The following RNF41 variants were observed in gnomAD, a reference collection of about 807,000 sequenced individuals.
The protein encoded by RNF41 is ring finger protein 41, also known as E3 ubiquitin-protein ligase NRDP1.
A neutral mutation model predicts 33.0 loss-of-function variants in RNF41; 4 were observed. That is an observed-to-expected ratio of 0.12 (90% CI 0.06 to 0.28). The LOEUF is 0.28. RNF41 is among the 10% of genes least tolerant of loss of function. RNF41 has a pLI of 1.00. For synonymous variants in RNF41, 164 were observed against 153.2 expected, an observed-to-expected ratio of 1.07 and a Z score of -0.52; for missense variants, 228 against 432.6, an observed-to-expected ratio of 0.53 and a Z score of 4.19.
At chr12:56,210,245 G>A in intron 4 of RNF41, 52 bp downstream of exon 4, 3 of 1,584,066 alleles carry the variant, frequency 1.9e-6, no homozygotes, top group Non-Finnish European at 2.6e-6. Context: ...AGAGACAGGG[G>A]CATAAATGAG....
intron 2 of RNF41, among the ~76,000 whole-genome samples, chr12:56,216,101 G>A (rs10876879): frequency 0.28 from 42,134 of 151,000 alleles, 7,076 homozygotes; most frequent in Middle Eastern, 0.4. Context: ...CAGCCTAGGC[G>A]ACAGAGCAAG....
intron 2 of RNF41, among the ~76,000 whole-genome samples, chr12:56,214,978 G>A (rs1328490888): frequency 2.0e-5 from 3 of 152,242 alleles, no homozygotes; most frequent in Non-Finnish European, 2.9e-5. Flanking sequence ...TGAAAGCAGA[G>A]GGTGGTTTTG....
At position 56,203,052 on chromosome 12, in the gene RNF41, C is replaced by G. The variant is rs1318731175; in HGVS notation, c.*3395G>C. The G allele has an allele frequency of 9.2e-6, 1 of 109,246 alleles. No individual in the cohort carries two copies. Among genetic ancestry groups the G allele is most frequent in the African/African-American group, 3.2e-5 (1 of 31,278 alleles). The allele number at this position is 109,246 out of a possible 1,614,324, so 6.8% of individuals were successfully genotyped here. ...TGTGCATAGAAGCGCAGACTCAGCACAGAAATGCCTTTTTTTTTTTTTTCA... is the reference window on the plus strand; with the variant it reads ...TGTGCATAGAAGCGCAGACTCAGCAGAGAAATGCCTTTTTTTTTTTTTTCA... On this transcript the variant is annotated 3_prime_UTR_variant, in exon 7 of 7. Transcript: ENST00000345093.
rs754315565 is a variant in RNF41, at chr12:56,206,453, C to G, written c.948G>C (p.Glu316Asp). 3.1e-6 allele frequency: 5 copies of G among 1,608,208 alleles called. No homozygotes were observed. Among genetic ancestry groups the G allele is most frequent in the Non-Finnish European group, 4.3e-6 (5 of 1,176,192 alleles). Residue 316 changes from glutamate (E) to aspartate (D), a missense_variant, in exon 7 of 7, where the codon GAG becomes GAC. Around this residue, in one of 2 missense-constraint regions of RNF41, gnomAD observed 199 missense variants for 334.6 expected, o/e 0.59. Coordinates refer to ENST00000345093, the MANE Select transcript of RNF41 (RefSeq NM_005785.4). The surrounding 1 kb of genome is among the most constrained non-coding windows in gnomAD (Gnocchi z 5.7). ...GATAGCCAGTCGAGTTCTCTTATATCTCTTCCACGCCATGCGCAAATATCA... is the reference window on the plus strand; with the variant it reads ...GATAGCCAGTCGAGTTCTCTTATATGTCTTCCACGCCATGCGCAAATATCA... ...LVMIFAHGVEEI is the reference protein window; with the variant it reads ...LVMIFAHGVEDI
chr12:56,208,335 G>C (rs1347275968), intron 4 of RNF41, 37 bp from the exon 5 acceptor site: 1 of 1,608,532 alleles, frequency 6.2e-7, no homozygotes, highest in Admixed American at 1.7e-5. Flanking sequence ...GAACAGAGGT[G>C]ATCCCTGGGA....
chr12:56,212,224 AAT>A (rs1410992223), intron 3 of RNF41, among the ~76,000 whole-genome samples: 1 of 152,214 alleles, frequency 6.6e-6, no homozygotes. Flanking sequence ...AACTAATAAA[AAT>A]AGTTATCTGT....
At chr12:56,214,742 T>G (rs1424770746) in intron 2 of RNF41, among the ~76,000 whole-genome samples, 6 of 134,106 alleles carry the variant, frequency 4.5e-5, no homozygotes, top group South Asian at 2.4e-4. Flanking sequence ...GGCACAAGAA[T>G]CACTTGAACC....
chr12:56,213,167 G>A (rs933614549), intron 3 of RNF41: 1 of 1,279,034 alleles, frequency 7.8e-7, no homozygotes, highest in African/African-American at 1.5e-5. Context: ...GAAAAAAATA[G>A]GTCAGTACAT....
At chr12:56,220,328 C>T (rs894369237) in intron 1 of RNF41, among the ~76,000 whole-genome samples, 4 of 151,626 alleles carry the variant, frequency 2.6e-5, no homozygotes, top group Non-Finnish European at 5.9e-5. Flanking sequence ...AATTCTCCTG[C>T]CTCAGCTTCC....
intron 2 of RNF41, among the ~76,000 whole-genome samples, chr12:56,214,492 C>G (rs1446337517): frequency 1.4e-5 from 2 of 147,444 alleles, no homozygotes; most frequent in Admixed American, 1.4e-4. Flanking sequence ...TGCACTCCAG[C>G]CTGGGGAACA....
At chr12:56,212,364 T>C (rs1210484455) in intron 3 of RNF41, among the ~76,000 whole-genome samples, 1 of 152,172 alleles carries the variant, frequency 6.6e-6, no homozygotes, top group African/African-American at 2.4e-5. Flanking sequence ...GAAATCAGCA[T>C]CCCTAGCAGG....
rs1015610577 is a variant in RNF41 at position 56,221,861 on chromosome 12, G to A, written c.-310C>T. On this transcript the variant is annotated 5_prime_UTR_variant, in exon 1 of 7. Coordinates refer to ENST00000345093, the MANE Select transcript of RNF41 (RefSeq NM_005785.4). Reference sequence around the variant, plus strand: ...GGTGCCGGGTCCCAGCCTCTCCCGGGAAGGGAAGGGAAAGGGGAAGGAGGG... The same window carrying A: ...GGTGCCGGGTCCCAGCCTCTCCCGGAAAGGGAAGGGAAAGGGGAAGGAGGG... 1 of 152,480 alleles carries A rather than the reference G, an allele frequency of 6.6e-6. No homozygotes were observed. Among genetic ancestry groups the A allele is most frequent in the Admixed American group, 6.5e-5 (1 of 15,280 alleles). The allele number at this position is 152,480 out of a possible 1,614,324, so 9.4% of individuals were successfully genotyped here.
chr12:56,211,962 A>G (rs935915742), intron 3 of RNF41, among the ~76,000 whole-genome samples: 2 of 151,366 alleles, frequency 1.3e-5, no homozygotes, highest in African/African-American at 4.9e-5. Context: ...AAAGTGTGAG[A>G]CTCCATCTCA....
chr12:56,207,239 GT>G (rs1565940383), intron 6 of RNF41: 2 of 1,327,472 alleles, frequency 1.5e-6, no homozygotes, highest in Non-Finnish European at 2.0e-6. Flanking sequence ...TACTTCGCTT[GT>G]TTTTGCTGCA....
intron 5 of RNF41, 92 bp from the exon 6 acceptor site, chr12:56,207,841 C>G (rs747221383): frequency 9.9e-7 from 1 of 1,010,166 alleles, no homozygotes; most frequent in Non-Finnish European, 1.6e-6. Context: ...ACTGAGAGAT[C>G]TGAAGAACAA....
chr12:56,210,657 G>C, intron 3 of RNF41, 89 bp from the exon 4 acceptor site: 1 of 1,346,306 alleles, frequency 7.4e-7, no homozygotes, highest in Non-Finnish European at 1.0e-6. Flanking sequence ...AGCCAATCAA[G>C]CCTTTGAGCA....
intron 4 of RNF41, among the ~76,000 whole-genome samples, chr12:56,208,866 T>TATTTA (rs1868331554): frequency 7.4e-6 from 1 of 135,910 alleles, no homozygotes. Context: ...GCGCCTGGCC[T>TATTTA]TTTTTTTTTT....
intron 1 of RNF41, among the ~76,000 whole-genome samples, chr12:56,219,200 T>A (rs1185690088): frequency 1.4e-5 from 2 of 144,306 alleles, no homozygotes; most frequent in Non-Finnish European, 3.1e-5. Flanking sequence ...TATTTATTTA[T>A]TTTTTTTTTG....
intron 1 of RNF41, among the ~76,000 whole-genome samples, chr12:56,219,452 C>T (rs2135817780): frequency 6.6e-6 from 1 of 151,746 alleles, no homozygotes; most frequent in South Asian, 2.1e-4. Context: ...GCCTCGGCCT[C>T]CCAAAGTGCT....
Sources: gnomAD v4.1 joint callset for allele counts (sites outside exome capture counted in the v4.1 genomes callset) on GRCh38, gnomAD v4.1.1 for gene constraint, gnomAD v4.1.1 regional missense constraint, Gnocchi (gnomAD v3.1) non-coding constraint, MANE v1.5 for transcripts, NCBI Gene and HGNC (gene_info 2026-07-23, HGNC 2026-07-21) for gene names.